UTRN: variants seen among roughly 807,000 people sequenced by gnomAD.
UTRN encodes utrophin, also known as dystrophin-related protein 1.
UTRN carries 283 observed loss-of-function variants against 463.9 expected under a neutral mutation model. The ratio of observed to expected loss-of-function variants is 0.61; its 90% confidence interval spans 0.55 to 0.67. UTRN has a LOEUF of 0.67. UTRN is among the 30% of genes least tolerant of loss of function. The pLI, the probability that UTRN is intolerant of heterozygous loss-of-function variation, is 0.00. For synonymous variants in UTRN, 1,442 were observed against 1,431.5 expected (o/e 1.01, Z -0.17); for missense variants, 3,922 against 4,084.3 (o/e 0.96, Z 1.08).
In UTRN at chr6:144,491,013, G is replaced by A. The variant is rs765386796; in HGVS notation, c.4348G>A (p.Val1450Met). The stretch of plus-strand genomic sequence containing the variant: ...GCAGCGCATGCTGGACTGCAAGCGT[G>A]TGCTGGATGGCGTGAAAGCAGAACT... ...FEQRMLDCKR[V>M]LDGVKAELHV... The change falls in exon 32 of 75, where the codon GTG becomes ATG. Residue 1450 changes from valine (V) to methionine (M), a missense_variant. Coordinates refer to ENST00000367545, the MANE Select transcript of UTRN (RefSeq NM_007124.3). 1.2e-6 allele frequency: 2 copies of A among 1,614,082 alleles called. No homozygotes were observed. Among genetic ancestry groups the A allele is most frequent in the South Asian group, 2.2e-5 (2 of 91,062 alleles).
chr6:144,723,950 C>A (rs549052857), intron 53 of UTRN, among the ~76,000 whole-genome samples: 1 of 132,262 alleles, frequency 7.6e-6, no homozygotes, highest in South Asian at 2.4e-4. Flanking sequence ...GCAGAGGTTG[C>A]AGTGAGCCAA....
At chr6:144,782,912 T>G (rs953867576) in intron 61 of UTRN, among the ~76,000 whole-genome samples, 1 of 152,042 alleles carries the variant, frequency 6.6e-6, no homozygotes, top group African/African-American at 2.4e-5. Context: ...AAACTAGAAC[T>G]GGGCTGGGCA....
At chr6:144,788,503 G>A (rs919880862) in intron 61 of UTRN, among the ~76,000 whole-genome samples, 11 of 151,488 alleles carry the variant, frequency 7.3e-5, no homozygotes, top group Non-Finnish European at 1.2e-4. Context: ...TATAGTGTGC[G>A]TAGCTCTAGC....
chr6:144,659,828 TATGTAATTGAGACC>T (rs1779685030), intron 51 of UTRN: 1 of 152,732 alleles, frequency 6.5e-6, no homozygotes, highest in African/African-American at 2.4e-5. Flanking sequence ...TTTTTTGCTG[TATGTAATTGAGACC>T]AAACTCTAAG....
chr6:144,337,587 C>T (rs988172358), intron 2 of UTRN, among the ~76,000 whole-genome samples: 2 of 152,070 alleles, frequency 1.3e-5, no homozygotes, highest in South Asian at 2.1e-4. Context: ...TGAGGTCTGG[C>T]TCCGTGTGGT....
chr6:144,547,949 A>C (rs1183023886), intron 46 of UTRN, among the ~76,000 whole-genome samples: 2 of 152,202 alleles, frequency 1.3e-5, no homozygotes, highest in Admixed American at 1.3e-4. Context: ...CTAATATATC[A>C]TACCTGAAGT....
intron 51 of UTRN, chr6:144,659,706 T>C (rs1317318306): frequency 6.6e-6 from 1 of 152,668 alleles, no homozygotes; most frequent in Admixed American, 6.5e-5. Context: ...AAACTGGCTC[T>C]TTACCCAGGA....
At chr6:144,724,034 GAAA>G (rs901403873) in intron 53 of UTRN, among the ~76,000 whole-genome samples, 2 of 138,678 alleles carry the variant, frequency 1.4e-5, no homozygotes, top group African/African-American at 5.4e-5. Flanking sequence ...AAAAAAGAAA[GAAA>G]AAAAAGAAAC....
chr6:144,358,323 C>A (rs1010567834), intron 2 of UTRN, among the ~76,000 whole-genome samples: 3 of 152,136 alleles, frequency 2.0e-5, no homozygotes, highest in Non-Finnish European at 2.9e-5. Flanking sequence ...TGTGTATACA[C>A]ACACACATAC....
rs149485878 is a variant in UTRN at position 144,358,096 on chromosome 6, A to G, written c.80-45027A>G. Among the ~76,000 whole-genome samples the G allele has an allele frequency of 3.2e-3, 483 of 152,382 alleles. 12 individuals are homozygous for G. The highest frequency in any genetic ancestry group is 0.028 in the Admixed American group (430 of 15,308). ...CTCTTTGCTGAAAAATGTGGACAAT[A>G]GAAGCATCTATCTTATATGGATATT... On this transcript the variant is annotated intron_variant, in intron 2 of 74. Transcript: ENST00000367545.
intron 51 of UTRN, among the ~76,000 whole-genome samples, chr6:144,594,795 C>A (rs905044599): frequency 2.0e-5 from 3 of 152,166 alleles, no homozygotes; most frequent in Non-Finnish European, 4.4e-5. Flanking sequence ...TCCCACCGCA[C>A]TGCCCCAGCC....
chr6:144,712,043 CT>C (rs1785773189), intron 53 of UTRN, among the ~76,000 whole-genome samples: 1 of 152,056 alleles, frequency 6.6e-6, no homozygotes, highest in Non-Finnish European at 1.5e-5. Context: ...GAGACTCTGC[CT>C]GAAATTCTGT....
chr6:144,375,367 G>A (rs1231478912), intron 2 of UTRN, among the ~76,000 whole-genome samples: 1 of 152,216 alleles, frequency 6.6e-6, no homozygotes, highest in Non-Finnish European at 1.5e-5. Flanking sequence ...TTATAAGCAT[G>A]TTAGAATATT....
chr6:144,312,398 T>G (rs1774993797), intron 2 of UTRN, among the ~76,000 whole-genome samples: 1 of 144,820 alleles, frequency 6.9e-6, no homozygotes, highest in Non-Finnish European at 1.5e-5. Flanking sequence ...CACTCCAGCC[T>G]GGGTGACAGA....
intron 51 of UTRN, among the ~76,000 whole-genome samples, chr6:144,630,000 A>G (rs1776341383): frequency 6.6e-6 from 1 of 151,732 alleles, no homozygotes; most frequent in South Asian, 2.1e-4. Context: ...CCTGGCTAAC[A>G]TGGTGAAACC....
At chr6:144,315,187 T>G (rs1241367228) in intron 2 of UTRN, among the ~76,000 whole-genome samples, 1 of 152,232 alleles carries the variant, frequency 6.6e-6, no homozygotes, top group Non-Finnish European at 1.5e-5. Flanking sequence ...AAGACAATAC[T>G]GCAGTAAAAG....
intron 51 of UTRN, among the ~76,000 whole-genome samples, chr6:144,586,588 C>T (rs1319221141): frequency 1.3e-5 from 2 of 152,032 alleles, no homozygotes; most frequent in Middle Eastern, 3.4e-3. Context: ...TTTATTGTTA[C>T]GTGATTACTT....
At chr6:144,727,751 C>A (rs140650107) in intron 53 of UTRN, among the ~76,000 whole-genome samples, 2,730 of 151,480 alleles carry the variant, frequency 0.018, 69 homozygotes, top group African/African-American at 0.06. Context: ...GGCAACACAG[C>A]GAGACTCTGT....
intron 2 of UTRN, among the ~76,000 whole-genome samples, chr6:144,370,158 C>G (rs933227644): frequency 2.0e-5 from 3 of 152,090 alleles, no homozygotes; most frequent in Non-Finnish European, 2.9e-5. Context: ...GATGTTAATC[C>G]CCAAGACAGT....
Sources: gnomAD v4.1 joint callset for allele counts (sites outside exome capture counted in the v4.1 genomes callset) on GRCh38, gnomAD v4.1.1 for gene constraint, MANE v1.5 for transcripts, NCBI Gene and HGNC (gene_info 2026-07-23, HGNC 2026-07-21) for gene names.